Variants in CNBD1 observed in about 807,000 individuals in gnomAD.
CNBD1 encodes cyclic nucleotide binding domain containing 1.
In CNBD1, 71 loss-of-function variants were observed where a neutral mutation model predicts 54.4. That is an observed-to-expected ratio of 1.30 (90% CI 1.08 to 1.59). CNBD1 has a LOEUF of 1.59. Ranked by LOEUF, CNBD1 falls within the 40% of genes most tolerant of loss-of-function variation. The pLI, the probability that CNBD1 is intolerant of heterozygous loss-of-function variation, is 0.00. For missense variants in CNBD1, 659 were observed against 518.0 expected (o/e 1.27, Z -2.64); for synonymous variants, 182 against 170.7 (o/e 1.07, Z -0.51).
chr8:87,410,781 G>T (rs1259240735), intron 2 of CNBD1, among the ~76,000 whole-genome samples: 1 of 152,052 alleles, frequency 6.6e-6, no homozygotes, highest in Non-Finnish European at 1.5e-5. Context: ...TTTCATTGTT[G>T]CATTGTTGTC....
chr8:86,939,734 C>A lies in CNBD1; in HGVS notation c.411C>A (p.Phe137Leu). The change falls in exon 4 of 11, where the codon TTC becomes TTA. Residue 137 changes from phenylalanine (F) to leucine (L), a missense_variant. Transcript: ENST00000518476. Reference protein sequence around the residue: ...PKRATEKFEEFLAILKKLPIH... With the variant: ...PKRATEKFEELLAILKKLPIH... ...GAGCCACAGAGAAATTTGAAGAATT[C>A]CTAGCTATCTTAAAGAAATTGTAAG... is the stretch of plus-strand genomic sequence containing the variant. 1 of 1,567,784 alleles carries A rather than the reference C, an allele frequency of 6.4e-7. No homozygotes were observed. Among genetic ancestry groups the A allele is most frequent in the Non-Finnish European group, 8.7e-7 (1 of 1,154,498 alleles).
At chr8:87,387,017 G>C (rs1029055370), downstream of CNBD1, among the ~76,000 whole-genome samples, 4 of 152,262 alleles carry the variant, frequency 2.6e-5, no homozygotes, top group East Asian at 7.7e-4. Flanking sequence ...AGCTCCGTAA[G>C]TGAGGGAGAA....
chr8:87,083,851 G>A (rs1481086879), intron 4 of CNBD1, among the ~76,000 whole-genome samples: 3 of 152,034 alleles, frequency 2.0e-5, no homozygotes, highest in African/African-American at 7.2e-5. Flanking sequence ...GCCTCCCAAA[G>A]TGCTGGGATT....
At chr8:86,967,240 A>T (rs187776836) in intron 4 of CNBD1, among the ~76,000 whole-genome samples, 1 of 152,302 alleles carries the variant, frequency 6.6e-6, no homozygotes, top group Admixed American at 6.5e-5. Context: ...TCCTGTGCCT[A>T]GGAGGGTGGC....
rs147633176 is a variant in CNBD1, at chr8:87,244,180, C to T, written c.771+7068C>T. On this transcript the variant is annotated intron_variant, in intron 6 of 10. Coordinates refer to ENST00000518476, the MANE Select transcript of CNBD1 (RefSeq NM_173538.3). ...AGTACATTGGTCCCATCCAGAAAGGCGGGGACAACCTGAAGTAGGGAGGGG... is the reference window on the plus strand; with the variant it reads ...AGTACATTGGTCCCATCCAGAAAGGTGGGGACAACCTGAAGTAGGGAGGGG... 3.3e-3 allele frequency among the ~76,000 whole-genome samples: 497 copies of T among 152,102 alleles called. 1 individual carries two copies. The highest frequency in any genetic ancestry group is 9.8e-3 in the South Asian group (47 of 4,818).
At chr8:87,390,192 G>C (rs1440674509) in intron 2 of CNBD1, among the ~76,000 whole-genome samples, 5 of 152,036 alleles carry the variant, frequency 3.3e-5, no homozygotes, top group Non-Finnish European at 7.4e-5. Context: ...GCATGGGCAA[G>C]GACTTCATGT....
At chr8:87,337,197 C>A (rs1329996256) in intron 8 of CNBD1, among the ~76,000 whole-genome samples, 2 of 152,082 alleles carry the variant, frequency 1.3e-5, no homozygotes, top group African/African-American at 4.8e-5. Context: ...GGAAGAAGGA[C>A]CCATTTAACA....
At chr8:87,099,241 G>A (rs1811382657) in intron 4 of CNBD1, among the ~76,000 whole-genome samples, 1 of 151,996 alleles carries the variant, frequency 6.6e-6, no homozygotes, top group Admixed American at 6.6e-5. Flanking sequence ...AATCTAGAAT[G>A]GCTGCAGCAC....
intron 2 of CNBD1, among the ~76,000 whole-genome samples, chr8:86,903,919 A>G (rs564197254): frequency 1.3e-5 from 2 of 152,110 alleles, no homozygotes; most frequent in South Asian, 4.1e-4. Context: ...GATTTTAAAA[A>G]GATTCGATGC....
At chr8:87,134,689 G>A (rs960957124) in intron 4 of CNBD1, among the ~76,000 whole-genome samples, 4 of 131,810 alleles carry the variant, frequency 3.0e-5, no homozygotes, top group African/African-American at 8.5e-5. Context: ...TGCAAGCTCC[G>A]CCTCCTGGGT....
At chr8:87,220,691 A>G (rs571303214) in intron 5 of CNBD1, among the ~76,000 whole-genome samples, 1 of 151,872 alleles carries the variant, frequency 6.6e-6, no homozygotes. Flanking sequence ...TGTCATACAG[A>G]TATGTTATAC....
At chr8:87,241,642 AATT>A (rs1194166796) in intron 6 of CNBD1, among the ~76,000 whole-genome samples, 1 of 152,190 alleles carries the variant, frequency 6.6e-6, no homozygotes, top group Non-Finnish European at 1.5e-5. Flanking sequence ...CAGGAAAAAT[AATT>A]ATAGGTTCAC....
intron 1 of CNBD1, among the ~76,000 whole-genome samples, chr8:86,880,720 C>A (rs1322098516): frequency 6.6e-6 from 1 of 151,922 alleles, no homozygotes; most frequent in Non-Finnish European, 1.5e-5. Context: ...GATACAACAA[C>A]AAAAAGAGAA....
intron 4 of CNBD1, among the ~76,000 whole-genome samples, chr8:86,966,403 G>T (rs534597002): frequency 6.6e-6 from 1 of 152,344 alleles, no homozygotes; most frequent in African/African-American, 2.4e-5. Flanking sequence ...GTGGACCCTT[G>T]TGGTGAGTGT....
intron 8 of CNBD1, among the ~76,000 whole-genome samples, chr8:87,343,550 A>G (rs541713597): frequency 2.0e-5 from 3 of 152,324 alleles, no homozygotes; most frequent in South Asian, 4.1e-4. Flanking sequence ...CATGTAACTT[A>G]TAACTATACT....
intron 4 of CNBD1, among the ~76,000 whole-genome samples, chr8:86,959,275 C>T (rs551395865): frequency 1.3e-5 from 2 of 152,178 alleles, no homozygotes; most frequent in East Asian, 3.8e-4. Context: ...TCTGGCTGCC[C>T]TTAACATTTT....
chr8:87,391,896 TG>T (rs1210159455), intron 2 of CNBD1, among the ~76,000 whole-genome samples: 1 of 152,088 alleles, frequency 6.6e-6, no homozygotes, highest in African/African-American at 2.4e-5. Flanking sequence ...AAGAAAGTGA[TG>T]TGAATCCACA....
At chr8:87,326,150 G>A (rs1490790738) in intron 8 of CNBD1, among the ~76,000 whole-genome samples, 5 of 131,132 alleles carry the variant, frequency 3.8e-5, no homozygotes, top group African/African-American at 1.4e-4. Flanking sequence ...CTTCTGGCTT[G>A]TAGGGTTTCT....
chr8:86,948,534 C>T (rs1364528069), intron 4 of CNBD1, among the ~76,000 whole-genome samples: 2 of 152,064 alleles, frequency 1.3e-5, no homozygotes, highest in Non-Finnish European at 2.9e-5. Flanking sequence ...TTTTCATATG[C>T]CTATTTGCCA....
Sources: gnomAD v4.1 joint callset for allele counts (sites outside exome capture counted in the v4.1 genomes callset) on GRCh38, gnomAD v4.1.1 for gene constraint, MANE v1.5 for transcripts, NCBI Gene and HGNC (gene_info 2026-07-23, HGNC 2026-07-21) for gene names.